The following PDXDC1 variants were observed in gnomAD, a reference collection of about 807,000 sequenced individuals.
PDXDC1 encodes the protein pyridoxal-dependent decarboxylase domain-containing protein 1.
In PDXDC1, 42 loss-of-function variants were observed where a neutral mutation model predicts 100.1. The observed-to-expected ratio is 0.42, with a 90% CI of 0.33 to 0.54. The LOEUF (loss-of-function observed/expected upper bound fraction) is 0.54, where lower values mean the gene tolerates loss of function less well. Among genes scored for constraint, PDXDC1 ranks in the 20% least tolerant of loss-of-function variants. PDXDC1 has a pLI of 0.10. For missense variants in PDXDC1, 636 were observed against 979.2 expected (o/e 0.65, Z 4.68); for synonymous variants, 260 against 371.7 (o/e 0.70, Z 3.46).
intron 16 of PDXDC1, chr16:15,130,400 C>G (rs551350000): frequency 1.2e-4 from 191 of 1,579,046 alleles, no homozygotes; most frequent in Non-Finnish European, 1.6e-4. Context: ...CCAGCGCCGA[C>G]AGGCGGAAGT....
rs534804094 is a variant in PDXDC1, at chr16:14,999,777, G to A, written c.161+1372G>A. 2.0e-5 allele frequency among the ~76,000 whole-genome samples: 3 copies of A among 152,380 alleles called. No individual in the cohort carries two copies. In the East Asian group the frequency reaches 5.8e-4, roughly 29 times the overall value. On this transcript the variant is annotated intron_variant, in intron 3 of 22. Coordinates refer to ENST00000396410, the MANE Select transcript of PDXDC1 (RefSeq NM_015027.4). ...AGGAGGAAAAATAGCAAAAAAGTAA[G>A]TAGCTGACTAAAATTTTCACAAGAC...
At chr16:15,042,899 A>AT (rs1193801850), downstream of PDXDC1, among the ~76,000 whole-genome samples, 37,435 of 121,394 alleles carry the variant, frequency 0.31, 6,574 homozygotes, top group Middle Eastern at 0.44. Context: ...TGCCCAGCTA[A>AT]TTTTTTTTTT....
At chr16:15,104,430 C>G in intron 16 of PDXDC1, 1 of 1,393,438 alleles carries the variant, frequency 7.2e-7, no homozygotes, top group South Asian at 1.4e-5. Flanking sequence ...TTATCATCCG[C>G]TGAGGGTGGA....
chr16:14,999,424 T>C (rs1972684396), intron 3 of PDXDC1, among the ~76,000 whole-genome samples: 1 of 151,826 alleles, frequency 6.6e-6, no homozygotes, highest in African/African-American at 2.4e-5. Context: ...AAGTGATACA[T>C]GGAGCTAGGC....
At position 15,078,882 on chromosome 16, in the gene PDXDC1, G is replaced by T. The variant is rs560608427; in HGVS notation, c.1399+48826G>T. 2.1e-4 allele frequency among the ~76,000 whole-genome samples: 32 copies of T among 150,104 alleles called. 1 individual carries two copies. The East Asian group carries it at 5.7e-3, about 27-fold the overall frequency. On this transcript the variant is annotated intron_variant, in intron 16 of 16. Transcript: ENST00000535621. ...GCTGGAGCGGAGTGGCGCAATCTCG[G>T]CTCACTGCAAGCTCCACCTCCCGGA...
At chr16:14,991,452 C>T (rs1475108554) in intron 1 of PDXDC1, among the ~76,000 whole-genome samples, 2 of 152,254 alleles carry the variant, frequency 1.3e-5, no homozygotes, top group African/African-American at 4.8e-5. Context: ...AGGCGTGCAC[C>T]ACCACACCTG....
chr16:14,991,302 T>TGTGC (rs1970759109), intron 1 of PDXDC1, among the ~76,000 whole-genome samples: 1 of 142,262 alleles, frequency 7.0e-6, no homozygotes, highest in Non-Finnish European at 1.5e-5. Context: ...TGTGTGTGTG[T>TGTGC]GTGTATTTGT....
intron 16 of PDXDC1, among the ~76,000 whole-genome samples, chr16:15,058,235 A>G (rs1215156876): frequency 6.6e-6 from 1 of 152,064 alleles, no homozygotes; most frequent in East Asian, 1.9e-4. Context: ...TCAAGGCTGC[A>G]ATGAGGCACG....
intron 16 of PDXDC1, among the ~76,000 whole-genome samples, chr16:15,052,943 C>A (rs1199879411): frequency 6.6e-6 from 1 of 152,168 alleles, no homozygotes; most frequent in African/African-American, 2.4e-5. Context: ...ACCGAGTACC[C>A]AGTGACTGGT....
At chr16:15,046,349 A>G (rs2044061087) in intron 16 of PDXDC1, among the ~76,000 whole-genome samples, 1 of 152,194 alleles carries the variant, frequency 6.6e-6, no homozygotes, top group South Asian at 2.1e-4. Context: ...GTAAAATGAG[A>G]GCAACACCTG....
chr16:15,071,587 G>C (rs944260070), intron 16 of PDXDC1, among the ~76,000 whole-genome samples: 2 of 152,132 alleles, frequency 1.3e-5, no homozygotes. Flanking sequence ...GGCCAACATG[G>C]AGAAACCCTG....
chr16:15,128,210 G>T (rs1056315618), intron 16 of PDXDC1: 7 of 1,610,902 alleles, frequency 4.3e-6, no homozygotes, highest in Non-Finnish European at 5.9e-6. Context: ...GCTTGGCAGG[G>T]TCCGCACAGA....
intron 16 of PDXDC1, chr16:15,083,392 C>G: frequency 6.9e-7 from 1 of 1,441,440 alleles, no homozygotes. Flanking sequence ...GAGTGAGACT[C>G]GGTCTCAAAA....
chr16:15,004,595 T>C (rs1295840719), intron 5 of PDXDC1, among the ~76,000 whole-genome samples: 5 of 152,396 alleles, frequency 3.3e-5, no homozygotes, highest in Non-Finnish European at 7.3e-5. Context: ...TTTGATAGGG[T>C]CAGCAGTTAT....
chr16:15,145,207 T>A, the PDXDC1 span, among the ~76,000 whole-genome samples: 4 of 152,192 alleles, frequency 2.6e-5, no homozygotes, highest in African/African-American at 9.6e-5. Flanking sequence ...ACTGGCCATC[T>A]GCGCCCGGCT....
rs568420768 is a variant in PDXDC1, at chr16:15,001,533, A to G, written c.162-243A>G. Among the ~76,000 whole-genome samples the G allele has an allele frequency of 2.0e-5, 3 of 152,418 alleles. No homozygotes were observed. In the South Asian group the frequency reaches 6.2e-4, roughly 32 times the overall value. On this transcript the variant is annotated intron_variant, in intron 3 of 22. Transcript: ENST00000396410. ...AAAAAGACTGGTGACATTTATTAAA[A>G]TGAAACTCATAATTAGGTAGAAGAT...
At chr16:15,136,208 C>A in intron 16 of PDXDC1, 1 of 673,034 alleles carries the variant, frequency 1.5e-6, no homozygotes, top group Non-Finnish European at 2.5e-6. Flanking sequence ...CCGCTGGGAG[C>A]CCCATCACTG....
At chr16:14,999,946 C>T (rs1331393945) in intron 3 of PDXDC1, among the ~76,000 whole-genome samples, 2 of 152,236 alleles carry the variant, frequency 1.3e-5, no homozygotes, top group Non-Finnish European at 2.9e-5. Flanking sequence ...TAAATTGAAC[C>T]AGGTTGCAAA....
intron 16 of PDXDC1, among the ~76,000 whole-genome samples, chr16:15,111,743 T>G (rs2047075469): frequency 1.0e-5 from 1 of 96,876 alleles, no homozygotes; most frequent in Admixed American, 1.8e-4. Flanking sequence ...GGTGACAGAG[T>G]GAGACTCCGT....
Sources: allele counts gnomAD v4.1 joint callset (sites outside exome capture counted in the v4.1 genomes callset), GRCh38; gene constraint gnomAD v4.1.1; transcripts MANE v1.5; gene names NCBI Gene and HGNC (gene_info 2026-07-23, HGNC 2026-07-21).